MACROD2: variants seen among roughly 807,000 people sequenced by gnomAD.
The protein encoded by MACROD2 is ADP-ribose glycohydrolase MACROD2.
A neutral mutation model predicts 70.4 loss-of-function variants in MACROD2; 36 were observed. That is an observed-to-expected ratio of 0.51 (90% confidence interval 0.39 to 0.68). The LOEUF is 0.68. Among genes scored for constraint, MACROD2 ranks in the 30% least tolerant of loss-of-function variants. The probability of loss-of-function intolerance (pLI) is 0.00; values close to 1 mark genes in which losing one functional copy is unlikely to be tolerated. For synonymous variants in MACROD2, 172 were observed against 178.8 expected, an observed-to-expected ratio of 0.96 and a Z score of 0.30; for missense variants, 496 against 538.4, an observed-to-expected ratio of 0.92 and a Z score of 0.78.
At chr20:14,107,529 T>G (rs558507561) in intron 3 of MACROD2, among the ~76,000 whole-genome samples, 110 of 151,780 alleles carry the variant, frequency 7.2e-4, no homozygotes, top group African/African-American at 2.5e-3. Context: ...GAGAAAGATA[T>G]CAATATTTCA....
intron 8 of MACROD2, among the ~76,000 whole-genome samples, chr20:15,505,003 G>A (rs142114853): frequency 1.3e-5 from 2 of 152,270 alleles, no homozygotes; most frequent in African/African-American, 4.8e-5. Context: ...GCTCATATCT[G>A]AAAGTTAGCC....
intron 5 of MACROD2, among the ~76,000 whole-genome samples, chr20:14,737,321 T>C (rs895889057): frequency 6.6e-6 from 1 of 152,220 alleles, no homozygotes; most frequent in African/African-American, 2.4e-5. Flanking sequence ...CCATGGTGTA[T>C]ATGTGCCACA....
chr20:14,957,514 A>G (rs1402525144), intron 5 of MACROD2, among the ~76,000 whole-genome samples: 1 of 152,168 alleles, frequency 6.6e-6, no homozygotes, highest in African/African-American at 2.4e-5. Context: ...GCCACAGCCC[A>G]TTCCAGAGAG....
chr20:15,360,514 C>T (rs2078339742), intron 6 of MACROD2, among the ~76,000 whole-genome samples: 1 of 151,940 alleles, frequency 6.6e-6, no homozygotes, highest in Non-Finnish European at 1.5e-5. Flanking sequence ...TCAATTATGT[C>T]TATTTTTTCT....
chr20:15,961,564 A>C (rs971429318), intron 12 of MACROD2, among the ~76,000 whole-genome samples: 4 of 152,178 alleles, frequency 2.6e-5, no homozygotes, highest in African/African-American at 9.7e-5. Flanking sequence ...CTTCTCCGTA[A>C]AATAAAATAA....
At chr20:14,099,314 C>T (rs1483021754) in intron 3 of MACROD2, among the ~76,000 whole-genome samples, 2 of 151,816 alleles carry the variant, frequency 1.3e-5, no homozygotes, top group Non-Finnish European at 2.9e-5. Flanking sequence ...ACCAGTACCC[C>T]AGAAGCCCTC....
At chr20:15,929,779 C>T (rs2065546138) in intron 10 of MACROD2, among the ~76,000 whole-genome samples, 1 of 152,154 alleles carries the variant, frequency 6.6e-6, no homozygotes, top group Non-Finnish European at 1.5e-5. Context: ...ACATGGACTG[C>T]TTTCTTATCA....
At chr20:15,209,604 C>A (rs999685183) in intron 5 of MACROD2, among the ~76,000 whole-genome samples, 1 of 152,120 alleles carries the variant, frequency 6.6e-6, no homozygotes, top group Non-Finnish European at 1.5e-5. Context: ...AAGAGGGGTG[C>A]AAAGGGAGAC....
chr20:15,550,089 G>A (rs771374003), intron 8 of MACROD2, among the ~76,000 whole-genome samples: 2 of 151,846 alleles, frequency 1.3e-5, no homozygotes, highest in Non-Finnish European at 2.9e-5. Context: ...TTTGTTAATA[G>A]AGTATCTTTA....
chr20:14,085,232 A>T (rs2054062724), intron 2 of MACROD2, among the ~76,000 whole-genome samples: 1 of 151,450 alleles, frequency 6.6e-6, no homozygotes, highest in African/African-American at 2.4e-5. Context: ...ATATATTCTT[A>T]TCAAGGATGC....
At chr20:15,941,202 C>CG (rs1198086728) in intron 12 of MACROD2, among the ~76,000 whole-genome samples, 2 of 151,992 alleles carry the variant, frequency 1.3e-5, no homozygotes, top group Non-Finnish European at 2.9e-5. Flanking sequence ...AAATGCAGTT[C>CG]CTATGTAAGA....
At chr20:14,659,733 G>A (rs1555812438) in intron 4 of MACROD2, among the ~76,000 whole-genome samples, 1 of 152,036 alleles carries the variant, frequency 6.6e-6, no homozygotes, top group Non-Finnish European at 1.5e-5. Context: ...TTTTGGGAGT[G>A]TACTCATTTT....
intron 5 of MACROD2, among the ~76,000 whole-genome samples, chr20:15,220,064 G>A (rs2076845636): frequency 6.7e-6 from 1 of 149,104 alleles, no homozygotes; most frequent in South Asian, 2.1e-4. Context: ...GATAGTGTTA[G>A]AATCTTATTT....
intron 8 of MACROD2, among the ~76,000 whole-genome samples, chr20:15,541,205 G>C (rs148690951): frequency 1.3e-5 from 2 of 152,144 alleles, no homozygotes; most frequent in African/African-American, 4.8e-5. Context: ...ATATTTCTGG[G>C]ACTGGACTTA....
rs573891987 is a variant in MACROD2 at position 15,255,825 on chromosome 20, T to C, written c.540+25764T>C. On this transcript the variant is annotated intron_variant, in intron 6 of 17. Transcript: ENST00000684519. ...GACAAGAAAGCATATTGATTTGGTC[T>C]CTCACTTGACTCTATGTCTTGGTGC... Among the ~76,000 whole-genome samples, 60 of 152,236 alleles carry C rather than the reference T, an allele frequency of 3.9e-4. 1 individual carries two copies. The South Asian group carries it at 0.012, about 29-fold the overall frequency.
At chr20:14,825,081 C>A (rs2072886711) in intron 5 of MACROD2, among the ~76,000 whole-genome samples, 1 of 152,068 alleles carries the variant, frequency 6.6e-6, no homozygotes, top group Admixed American at 6.6e-5. Context: ...GCCTTTTTAA[C>A]CACATGGTCC....
chr20:14,361,733 T>G (rs2083223462), intron 3 of MACROD2, among the ~76,000 whole-genome samples: 1 of 151,936 alleles, frequency 6.6e-6, no homozygotes, highest in Non-Finnish European at 1.5e-5. Flanking sequence ...ACTAGGGAGG[T>G]GTCTAAAAAC....
chr20:15,174,072 A>G (rs142274607), intron 5 of MACROD2, among the ~76,000 whole-genome samples: 3 of 152,354 alleles, frequency 2.0e-5, no homozygotes, highest in Non-Finnish European at 4.4e-5. Flanking sequence ...CCAAACATAT[A>G]CACCCAAGAC....
Position 15,616,015 on chromosome 20 carries a change from G to T in MACROD2, c.645+116168G>T, listed in dbSNP as rs2049032366. Among the ~76,000 whole-genome samples, 3 of 151,388 alleles carry T rather than the reference G, an allele frequency of 2.0e-5. No individual in the cohort carries two copies. The South Asian group carries it at 6.3e-4, about 32-fold the overall frequency. On this transcript the variant is annotated intron_variant, in intron 8 of 17. Coordinates refer to ENST00000684519, the MANE Select transcript of MACROD2 (RefSeq NM_001351661.2). Reference sequence around the variant, plus strand: ...AGGCCAAAGTGGAAAGCTGGTATTTGTTATGAGTAAAAGTGAGGGCAGCCT... The same window carrying T: ...AGGCCAAAGTGGAAAGCTGGTATTTTTTATGAGTAAAAGTGAGGGCAGCCT...
Sources: gnomAD v4.1 joint callset for allele counts (sites outside exome capture counted in the v4.1 genomes callset) on GRCh38, gnomAD v4.1.1 for gene constraint, MANE v1.5 for transcripts, NCBI Gene and HGNC (gene_info 2026-07-23, HGNC 2026-07-21) for gene names.